The following MYO1B variants were observed in gnomAD, a reference collection of about 807,000 sequenced individuals.
MYO1B encodes the protein myosin IB.
Under a neutral mutation model 159.7 loss-of-function variants are expected in MYO1B, and 72 were observed. That is an observed-to-expected ratio of 0.45 (90% CI 0.37 to 0.55). The LOEUF is 0.55. MYO1B is among the 20% of genes least tolerant of loss of function. MYO1B has a pLI of 0.00. For synonymous variants in MYO1B, 468 were observed against 473.8 expected, an observed-to-expected ratio of 0.99 and a Z score of 0.16; for missense variants, 1,062 against 1,364.8, an observed-to-expected ratio of 0.78 and a Z score of 3.50.
At chr2:191,388,643 T>TA (rs200840607) in intron 17 of MYO1B, among the ~76,000 whole-genome samples, 1,591 of 151,560 alleles carry the variant, frequency 0.01, 62 homozygotes, top group Admixed American at 0.076. Flanking sequence ...GATCCTAGTT[T>TA]AAAAAAAAAC....
At chr2:191,422,536 A>G (rs1043907278) in intron 30 of MYO1B, among the ~76,000 whole-genome samples, 15 of 152,108 alleles carry the variant, frequency 9.9e-5, no homozygotes, top group African/African-American at 3.6e-4. Context: ...ACACTAATGG[A>G]TTTTTTAAAT....
At chr2:191,411,625 CT>C (rs1262156357) in intron 27 of MYO1B, among the ~76,000 whole-genome samples, 2 of 152,130 alleles carry the variant, frequency 1.3e-5, no homozygotes, top group Non-Finnish European at 2.9e-5. Flanking sequence ...CAGGACAGTA[CT>C]TTTTGAGTGT....
At chr2:191,292,594 T>G (rs1688748249) in intron 2 of MYO1B, among the ~76,000 whole-genome samples, 1 of 152,174 alleles carries the variant, frequency 6.6e-6, no homozygotes. Context: ...TTGTAAATGT[T>G]TCTTATCAGA....
Position 191,411,191 on chromosome 2 carries a change from AC to A in MYO1B, c.2873+22del, listed in dbSNP as rs1486895295. 2 of 1,473,590 alleles carry A rather than the reference AC, an allele frequency of 1.4e-6. No individual in the cohort carries two copies. Among genetic ancestry groups the A allele is most frequent in the African/African-American group, 1.4e-5 (1 of 69,780 alleles). The allele number at this position is 1,473,590 out of a possible 1,614,324, so 91.3% of individuals were successfully genotyped here. ...CATCTAGGTATTATGGCTTTGCTTT[AC>A]CCATAAAATTCAGGATTATAAAAGT... On this transcript the variant is annotated intron_variant, in intron 27 of 30. Transcript: ENST00000392318.
intron 18 of MYO1B, among the ~76,000 whole-genome samples, chr2:191,391,153 C>A (rs373861655): frequency 9.2e-5 from 14 of 152,326 alleles, no homozygotes; most frequent in African/African-American, 3.4e-4. Context: ...GGAGAGAAAT[C>A]AAGCCTTATT....
intron 26 of MYO1B, among the ~76,000 whole-genome samples, chr2:191,409,519 A>G (rs1367666369): frequency 6.6e-6 from 1 of 152,254 alleles, no homozygotes; most frequent in Non-Finnish European, 1.5e-5. Flanking sequence ...CAGAGAAATC[A>G]TAAAATTTGG....
rs1335982279 is a variant in MYO1B at position 191,379,065 on chromosome 2, A to G, written c.1186-2397A>G. ...TAGCAAACCACAGTTCAGACACCAC[A>G]GGAAGGTATTGTGGTCCTGTCTTTT... On this transcript the variant is annotated intron_variant, in intron 13 of 30. Transcript: ENST00000392318. 2.0e-5 allele frequency among the ~76,000 whole-genome samples: 3 copies of G among 152,214 alleles called. 1 individual carries two copies. Among genetic ancestry groups the G allele is most frequent in the Admixed American group, 1.3e-4 (2 of 15,276 alleles).
chr2:191,372,079 A>G (rs1396564996), intron 13 of MYO1B, among the ~76,000 whole-genome samples: 2 of 152,254 alleles, frequency 1.3e-5, no homozygotes, highest in Non-Finnish European at 2.9e-5. Context: ...TACAGTTGGC[A>G]GGGAAAAAGA....
chr2:191,280,782 C>T (rs1688013542), intron 2 of MYO1B, among the ~76,000 whole-genome samples: 1 of 152,170 alleles, frequency 6.6e-6, no homozygotes, highest in African/African-American at 2.4e-5. Context: ...GCCGAGGAGC[C>T]CACTCACTGT....
intron 5 of MYO1B, among the ~76,000 whole-genome samples, chr2:191,345,209 A>C (rs1692488970): frequency 6.6e-6 from 1 of 152,170 alleles, no homozygotes; most frequent in African/African-American, 2.4e-5. Flanking sequence ...GGAGGATCTC[A>C]TGCCTCTTCC....
intron 2 of MYO1B, among the ~76,000 whole-genome samples, chr2:191,295,075 C>G (rs1340651781): frequency 1.3e-5 from 2 of 152,068 alleles, no homozygotes; most frequent in Non-Finnish European, 2.9e-5. Flanking sequence ...TTGTTTCTTT[C>G]TTTCCTTTAT....
intron 2 of MYO1B, among the ~76,000 whole-genome samples, chr2:191,280,435 C>G (rs1687990013): frequency 6.6e-6 from 1 of 152,182 alleles, no homozygotes; most frequent in South Asian, 2.1e-4. Flanking sequence ...TTGGCTGTTT[C>G]TTTGTTCTGA....
chr2:191,400,302 C>G, intron 21 of MYO1B, 80 bp from the exon 22 acceptor site: 2 of 1,461,392 alleles, frequency 1.4e-6, no homozygotes, highest in East Asian at 2.3e-5. Context: ...GGACGATCAT[C>G]TCTTCAGGTT....
At chr2:191,318,967 G>C (rs879744572) in intron 3 of MYO1B, among the ~76,000 whole-genome samples, 13 of 152,170 alleles carry the variant, frequency 8.5e-5, no homozygotes, top group Non-Finnish European at 1.8e-4. Flanking sequence ...GGCTCTGACT[G>C]GATTGGTGGA....
intron 13 of MYO1B, among the ~76,000 whole-genome samples, chr2:191,378,215 C>T (rs551525734): frequency 5.9e-5 from 9 of 152,300 alleles, no homozygotes; most frequent in African/African-American, 2.2e-4. Flanking sequence ...TTTTGGTGAT[C>T]TGCCAACCAC....
intron 3 of MYO1B, among the ~76,000 whole-genome samples, chr2:191,315,193 A>ACCCATCCATCTT (rs1279134917): frequency 1.3e-4 from 20 of 151,384 alleles, no homozygotes; most frequent in African/African-American, 4.4e-4. Flanking sequence ...CCATCCATCC[A>ACCCATCCATCTT]CCCATCCATC....
chr2:191,282,493 T>C (rs952934193), intron 2 of MYO1B, among the ~76,000 whole-genome samples: 7 of 152,234 alleles, frequency 4.6e-5, no homozygotes, highest in African/African-American at 1.7e-4. Flanking sequence ...TTAAAGGTTT[T>C]TTAAATTACA....
intron 4 of MYO1B, among the ~76,000 whole-genome samples, chr2:191,339,519 T>C (rs61556494): frequency 3.9e-5 from 6 of 152,264 alleles, no homozygotes; most frequent in African/African-American, 1.4e-4. Flanking sequence ...AAGAACGGTA[T>C]TGCAAAGGTG....
Position 191,390,328 on chromosome 2 carries a change from C to A in MYO1B, c.1818C>A (p.Ile606=). The A allele has an allele frequency of 1.9e-6, 3 of 1,614,138 alleles. No homozygotes were observed. Among genetic ancestry groups the A allele is most frequent in the Non-Finnish European group, 2.5e-6 (3 of 1,179,970 alleles). ...CGAATGATAAAAAAGCAGCACACAT[C>A]TTCAACGAGGCTCTAGTGTGTCATC... The part of the protein sequence containing the change: ...IKPNDKKAAH[I]FNEALVCHQI... Residue 606 remains isoleucine (I), a synonymous_variant, in exon 18 of 31, where the codon ATC becomes ATA. Coordinates refer to ENST00000392318, the MANE Select transcript of MYO1B (RefSeq NM_001130158.3).
Sources: gnomAD v4.1 joint callset for allele counts (sites outside exome capture counted in the v4.1 genomes callset) on GRCh38, gnomAD v4.1.1 for gene constraint, MANE v1.5 for transcripts, NCBI Gene and HGNC (gene_info 2026-07-23, HGNC 2026-07-21) for gene names.